The following GPC3 variants were observed in gnomAD, a reference collection of about 807,000 sequenced individuals.
The protein encoded by GPC3 is glypican 3, also known as glypican-3.
In GPC3, 3 loss-of-function variants were observed where a neutral mutation model predicts 34.4. The observed-to-expected ratio is 0.09, with a 90% confidence interval of 0.04 to 0.23. GPC3 has a LOEUF of 0.23. Ranked by LOEUF, GPC3 falls within the 10% of genes least tolerant of loss-of-function variation. The pLI is 1.00. For synonymous variants in GPC3, 177 were observed against 174.0 expected, an observed-to-expected ratio of 1.02 and a Z score of -0.13; for missense variants, 351 against 445.6, an observed-to-expected ratio of 0.79 and a Z score of 1.91.
At chrX:133,612,218 A>T (rs1424489576) in intron 6 of GPC3, among the ~76,000 whole-genome samples, 2 of 111,788 alleles carry the variant, frequency 1.8e-5, no homozygotes, top group Non-Finnish European at 3.8e-5. Flanking sequence ...CGCCAGGAAT[A>T]AGATTTATTT....
intron 2 of GPC3, among the ~76,000 whole-genome samples, chrX:133,805,654 A>C (rs1409719622): frequency 8.9e-6 from 1 of 112,069 alleles, no homozygotes; most frequent in Non-Finnish European, 1.9e-5. Flanking sequence ...AAGTTCCTTA[A>C]CCTTTCTAAG....
At chrX:133,806,899 C>T (rs929804669) in intron 2 of GPC3, among the ~76,000 whole-genome samples, 8 of 111,419 alleles carry the variant, frequency 7.2e-5, no homozygotes, top group Non-Finnish European at 1.9e-5. Flanking sequence ...CCATCCACCT[C>T]GGCCTCCCAA....
intron 6 of GPC3, among the ~76,000 whole-genome samples, chrX:133,655,501 CACA>C (rs2070651354): frequency 9.3e-6 from 1 of 107,211 alleles, no homozygotes; most frequent in Non-Finnish European, 1.9e-5. Flanking sequence ...CACACACACA[CACA>C]CCCACACACA....
intron 2 of GPC3, among the ~76,000 whole-genome samples, chrX:133,929,127 T>A (rs1254563738): frequency 8.9e-6 from 1 of 112,059 alleles, no homozygotes; most frequent in African/African-American, 3.2e-5. Flanking sequence ...ATGTACAGTA[T>A]AAGATAAGGG....
At chrX:133,854,697 T>G (rs1257778279) in intron 2 of GPC3, among the ~76,000 whole-genome samples, 2 of 112,217 alleles carry the variant, frequency 1.8e-5, no homozygotes, top group African/African-American at 6.5e-5. Flanking sequence ...AGCAAAGAAA[T>G]GAAAGTTCAA....
intron 7 of GPC3, among the ~76,000 whole-genome samples, chrX:133,577,549 C>A (rs1189343711): frequency 9.0e-6 from 1 of 111,520 alleles, no homozygotes. Context: ...TTACAGCATT[C>A]ATCAAATGAG....
intron 3 of GPC3, among the ~76,000 whole-genome samples, chrX:133,747,750 A>C (rs149392993): frequency 0.016 from 1,836 of 112,101 alleles, 20 homozygotes; most frequent in Non-Finnish European, 0.022. Context: ...CCCAGTGGCT[A>C]TCATAGTGCT....
At chrX:133,743,908 G>A (rs770236709) in intron 3 of GPC3, among the ~76,000 whole-genome samples, 1 of 111,737 alleles carries the variant, frequency 8.9e-6, no homozygotes, top group East Asian at 2.8e-4. Context: ...AACAAGCAAT[G>A]GGGAAATGAT....
chrX:133,753,743 G>A lies in GPC3; in HGVS notation c.771C>T (p.Thr257=), dbSNP rs1244238632. The A allele has an allele frequency of 8.3e-7, 1 of 1,209,584 alleles. No individual in the cohort carries two copies. Among genetic ancestry groups the A allele is most frequent in the Non-Finnish European group, 1.1e-6 (1 of 894,753 alleles). ...GGCAGTAAGAGCAGTACCACATTCTGGTGAGCATTCGGCCACAGTCCTTAC... is the reference window on the plus strand; with the variant it reads ...GGCAGTAAGAGCAGTACCACATTCTAGTGAGCATTCGGCCACAGTCCTTAC... ...KFSKDCGRML[T]RMWYCSYCQG... Residue 257 remains threonine, a synonymous_variant, in exon 3 of 8, where the codon ACC becomes ACT. Coordinates refer to ENST00000370818, the MANE Select transcript of GPC3 (RefSeq NM_004484.4).
chrX:133,967,072 T>C (rs907541514), intron 1 of GPC3, among the ~76,000 whole-genome samples: 1 of 111,740 alleles, frequency 8.9e-6, no homozygotes, highest in Non-Finnish European at 1.9e-5. Flanking sequence ...TATAAGAAAC[T>C]TGGAGACACA....
At chrX:133,730,898 C>G (rs989738377) in intron 3 of GPC3, among the ~76,000 whole-genome samples, 2 of 112,025 alleles carry the variant, frequency 1.8e-5, no homozygotes, top group African/African-American at 6.5e-5. Context: ...TTGGCAATTC[C>G]TTTGCCTTAA....
intron 3 of GPC3, among the ~76,000 whole-genome samples, chrX:133,723,698 T>G (rs1026422146): frequency 2.7e-5 from 3 of 111,711 alleles, no homozygotes; most frequent in African/African-American, 6.5e-5. Flanking sequence ...TCCCTTGCTA[T>G]GTGAAATCTC....
At chrX:133,861,624 T>C (rs1036636533) in intron 2 of GPC3, among the ~76,000 whole-genome samples, 9 of 111,594 alleles carry the variant, frequency 8.1e-5, no homozygotes, top group African/African-American at 2.6e-4. Flanking sequence ...TGAAATGTAA[T>C]CCCTAGTGTT....
At chrX:133,930,899 G>A (rs1323972552) in intron 2 of GPC3, among the ~76,000 whole-genome samples, 1 of 112,408 alleles carries the variant, frequency 8.9e-6, no homozygotes, top group Non-Finnish European at 1.9e-5. Context: ...GCCTCCCAAA[G>A]TGCTGGGATT....
chrX:133,573,781 T>C (rs973498090), intron 7 of GPC3, among the ~76,000 whole-genome samples: 13 of 112,417 alleles, frequency 1.2e-4, no homozygotes, highest in Non-Finnish European at 2.4e-4. Flanking sequence ...ATTAAATAAA[T>C]GTGGATGGAA....
rs189999048 is a variant in GPC3 at position 133,860,856 on chromosome X, C to T, written c.337+92194G>A. ...GTGGCTCATGCCTGTAATCCTAGCA[C>T]TTTCAGAGGCTGAGGCAGGTGGATC... On this transcript the variant is annotated intron_variant, in intron 2 of 7. Coordinates refer to ENST00000370818, the MANE Select transcript of GPC3 (RefSeq NM_004484.4). Among the ~76,000 whole-genome samples the T allele has an allele frequency of 5.3e-3, 589 of 111,888 alleles. 3 individuals carry two copies. Among genetic ancestry groups the T allele is most frequent in the Middle Eastern group, 9.2e-3 (2 of 218 alleles).
chrX:133,824,775 T>A (rs1328207027), intron 2 of GPC3, among the ~76,000 whole-genome samples: 1 of 112,072 alleles, frequency 8.9e-6, no homozygotes, highest in Non-Finnish European at 1.9e-5. Flanking sequence ...AAATTTAAAA[T>A]TAAAAAAAAA....
intron 1 of GPC3, among the ~76,000 whole-genome samples, chrX:133,968,791 TTC>T (rs1463221366): frequency 2.7e-5 from 3 of 109,551 alleles, no homozygotes; most frequent in East Asian, 5.7e-4. Context: ...TGAATGTTTT[TTC>T]TGTTTGTTTT....
chrX:133,726,068 TAAGA>T (rs982431157), intron 3 of GPC3, among the ~76,000 whole-genome samples: 1 of 112,259 alleles, frequency 8.9e-6, no homozygotes, highest in Non-Finnish European at 1.9e-5. Context: ...TGCTTGGTGC[TAAGA>T]AATATCGCAA....
Sources: allele counts gnomAD v4.1 joint callset (sites outside exome capture counted in the v4.1 genomes callset), GRCh38; gene constraint gnomAD v4.1.1; transcripts MANE v1.5; gene names NCBI Gene and HGNC (gene_info 2026-07-23, HGNC 2026-07-21).